Variants in HEG1 observed in about 807,000 individuals in gnomAD.
HEG1 encodes the protein heart development protein with EGF like domains 1.
Under a neutral mutation model 125.6 loss-of-function variants are expected in HEG1, and 56 were observed. The ratio of observed to expected loss-of-function variants is 0.45; its 90% CI spans 0.36 to 0.56. The LOEUF is 0.56. Among genes scored for constraint, HEG1 ranks in the 20% least tolerant of loss-of-function variants. The pLI, the probability that HEG1 is intolerant of heterozygous loss-of-function variation, is 0.00. For missense variants in HEG1, 1,523 were observed against 1,670.0 expected, an observed-to-expected ratio of 0.91 and a Z score of 1.53; for synonymous variants, 644 against 668.5, an observed-to-expected ratio of 0.96 and a Z score of 0.57.
intron 1 of HEG1, among the ~76,000 whole-genome samples, chr3:125,045,940 C>T (rs1937655849): frequency 6.6e-6 from 1 of 152,204 alleles, no homozygotes; most frequent in African/African-American, 2.4e-5. Context: ...ACAACTAAAA[C>T]ATTGCTCTGT....
At chr3:125,042,753 C>A (rs1937604523) in intron 1 of HEG1, among the ~76,000 whole-genome samples, 1 of 152,168 alleles carries the variant, frequency 6.6e-6, no homozygotes, top group Non-Finnish European at 1.5e-5. Flanking sequence ...TACCTTCCAC[C>A]AAGGGTCCTC....
At chr3:125,024,535 T>C (rs987640181) in intron 3 of HEG1, among the ~76,000 whole-genome samples, 3 of 152,202 alleles carry the variant, frequency 2.0e-5, no homozygotes, top group African/African-American at 4.8e-5. Context: ...ATGGAACACA[T>C]AGAAGGACAT....
chr3:124,992,247 G>A (rs1936847066), intron 12 of HEG1, among the ~76,000 whole-genome samples: 2 of 152,202 alleles, frequency 1.3e-5, no homozygotes, highest in South Asian at 4.1e-4. Context: ...GGGTGGTGCA[G>A]CTCATGGAAC....
chr3:125,004,657 C>T (rs112242863), intron 9 of HEG1, among the ~76,000 whole-genome samples: 18 of 151,870 alleles, frequency 1.2e-4, no homozygotes, highest in African/African-American at 3.6e-4. Context: ...CCCTAGCTAA[C>T]TTTTGTCTTT....
chr3:124,995,300 A>G (rs1196867900), intron 12 of HEG1, among the ~76,000 whole-genome samples: 1 of 151,962 alleles, frequency 6.6e-6, no homozygotes, highest in Non-Finnish European at 1.5e-5. Flanking sequence ...CTTTGTCTCT[A>G]AAAAGAAAAA....
intron 4 of HEG1, 117 bp downstream of exon 4, chr3:125,020,675 T>C: frequency 1.3e-6 from 1 of 755,410 alleles, no homozygotes. Flanking sequence ...AATGCAATAG[T>C]GCCATTAAAA....
intron 1 of HEG1, among the ~76,000 whole-genome samples, chr3:125,053,852 TCTGTAATAC>T (rs766822114): frequency 4.9e-4 from 74 of 152,254 alleles, no homozygotes; most frequent in Non-Finnish European, 7.9e-4. Context: ...TCCCTACCTC[TCTGTAATAC>T]CTGTAATACC....
At chr3:125,048,470 TC>T (rs920103142) in intron 1 of HEG1, among the ~76,000 whole-genome samples, 9 of 152,152 alleles carry the variant, frequency 5.9e-5, no homozygotes, top group African/African-American at 2.2e-4. Context: ...CCCTGGCTGC[TC>T]CCCCTGCCTG....
intron 14 of HEG1, 29 bp downstream of exon 14, chr3:124,990,758 C>T (rs370122867): frequency 8.7e-5 from 135 of 1,554,024 alleles, no homozygotes; most frequent in Admixed American, 4.7e-4. Flanking sequence ...CCCCTGCCCA[C>T]GCATAATGGT....
At position 125,013,712 on chromosome 3, in the gene HEG1, T is replaced by A; in HGVS notation, c.1867A>T (p.Thr623Ser). Residue 623 changes from threonine (T) to serine (S), a missense_variant, in exon 6 of 17, where the codon ACT becomes TCT. Transcript: ENST00000311127. The stretch of plus-strand genomic sequence containing the variant: ...GATGTATGCAGAACTGGCGACTCAG[T>A]AGAAGGCTGAGCATATTCCCCGTCA... ...SYDGEYAQPS[T>S]ESPVLHTSNL... 1.2e-6 allele frequency: 2 copies of A among 1,613,982 alleles called. No individual in the cohort carries two copies. The highest frequency in any genetic ancestry group is 1.7e-6 in the Non-Finnish European group (2 of 1,179,898).
rs529398192 is a variant in HEG1 at position 125,043,077 on chromosome 3, G to A, written c.316+12498C>T. Among the ~76,000 whole-genome samples, 87 of 152,338 alleles carry A rather than the reference G, an allele frequency of 5.7e-4. 1 individual carries two copies. In the East Asian group the frequency reaches 0.01, roughly 18 times the overall value. On this transcript the variant is annotated intron_variant, in intron 1 of 16. Transcript: ENST00000311127. ...AGCAGCCCTAAGAAAAATCAAGCAT[G>A]TTGGAAAGTGCTAGACATGAGATTT...
At chr3:124,990,742 G>A (rs1353053163) in intron 14 of HEG1, 45 bp downstream of exon 14, 1 of 1,543,624 alleles carries the variant, frequency 6.5e-7, no homozygotes, top group African/African-American at 1.4e-5. Context: ...TAACAACAGG[G>A]CCAGGCCCCT....
At chr3:125,022,105 A>C (rs1464504978) in intron 3 of HEG1, among the ~76,000 whole-genome samples, 1 of 152,244 alleles carries the variant, frequency 6.6e-6, no homozygotes, top group Non-Finnish European at 1.5e-5. Flanking sequence ...ACTGACCTCC[A>C]GAAAGGTCTA....
intron 1 of HEG1, among the ~76,000 whole-genome samples, chr3:125,038,052 CT>C (rs1387757975): frequency 1.3e-5 from 2 of 152,202 alleles, no homozygotes; most frequent in Admixed American, 1.3e-4. Context: ...GGGTTGTCAA[CT>C]TTTAAGAAAT....
intron 1 of HEG1, among the ~76,000 whole-genome samples, chr3:125,037,094 T>C (rs1937554148): frequency 6.6e-6 from 1 of 152,228 alleles, no homozygotes. Context: ...TGAGATAACA[T>C]TTTAAAGGAT....
chr3:124,988,408 T>A (rs551321280), intron 14 of HEG1, among the ~76,000 whole-genome samples: 5 of 152,334 alleles, frequency 3.3e-5, no homozygotes, highest in African/African-American at 4.8e-5. Context: ...GAATTTTGAC[T>A]ATTCTTTAAT....
chr3:124,999,370 C>G (rs1936968679), intron 11 of HEG1, among the ~76,000 whole-genome samples: 1 of 152,220 alleles, frequency 6.6e-6, no homozygotes, highest in Admixed American at 6.5e-5. Context: ...AATGAACTTC[C>G]ACAATCCCTC....
chr3:124,985,920 G>C (rs954681480), intron 14 of HEG1, among the ~76,000 whole-genome samples: 2 of 152,246 alleles, frequency 1.3e-5, no homozygotes, highest in African/African-American at 4.8e-5. Flanking sequence ...TGGGATTACA[G>C]GCATGTGCCA....
At chr3:124,989,893 G>T (rs1053909745) in intron 14 of HEG1, among the ~76,000 whole-genome samples, 2 of 152,066 alleles carry the variant, frequency 1.3e-5, no homozygotes, top group African/African-American at 4.8e-5. Context: ...CCTCAGCCTG[G>T]TGATCCCAAC....
Sources: gnomAD v4.1 joint callset for allele counts (sites outside exome capture counted in the v4.1 genomes callset) on GRCh38, gnomAD v4.1.1 for gene constraint, MANE v1.5 for transcripts, NCBI Gene and HGNC (gene_info 2026-07-23, HGNC 2026-07-21) for gene names.